The following AGMO variants were observed in gnomAD, a reference collection of about 807,000 sequenced individuals.
The protein encoded by AGMO is glyceryl-ether monooxygenase.
In AGMO, 75 loss-of-function variants were observed where a neutral mutation model predicts 60.2. The observed-to-expected ratio is 1.25, with a 90% confidence interval of 1.03 to 1.51. AGMO has a LOEUF of 1.51. Ranked by LOEUF, AGMO falls within the 40% of genes most tolerant of loss-of-function variation. The pLI is 0.00. For missense variants in AGMO, 763 were observed against 525.5 expected (o/e 1.45, Z -4.42); for synonymous variants, 261 against 177.1 (o/e 1.47, Z -3.76).
intron 12 of AGMO, among the ~76,000 whole-genome samples, chr7:15,252,353 C>T (rs1215493458): frequency 6.6e-6 from 1 of 152,164 alleles, no homozygotes; most frequent in African/African-American, 2.4e-5. Flanking sequence ...TATTCCTTCC[C>T]TTTGAGTGTG....
chr7:15,167,079 TA>T, the AGMO span, among the ~76,000 whole-genome samples: 25 of 152,124 alleles, frequency 1.6e-4, no homozygotes, highest in East Asian at 3.7e-3. Context: ...CAATAAGTTC[TA>T]AAAAAAATCT....
At chr7:15,421,733 G>C (rs1406095176) in intron 4 of AGMO, among the ~76,000 whole-genome samples, 1 of 152,048 alleles carries the variant, frequency 6.6e-6, no homozygotes, top group Non-Finnish European at 1.5e-5. Context: ...GTATGTCCAG[G>C]AGGCTATTGA....
At chr7:15,220,302 C>G (rs1583302036) in intron 12 of AGMO, among the ~76,000 whole-genome samples, 1 of 150,066 alleles carries the variant, frequency 6.7e-6, no homozygotes, top group East Asian at 2.0e-4. Flanking sequence ...TCACTGCAAC[C>G]TCTGCCTCCT....
At chr7:15,313,870 GTCTC>G (rs146059141) in intron 12 of AGMO, among the ~76,000 whole-genome samples, 8 of 150,984 alleles carry the variant, frequency 5.3e-5, no homozygotes, top group African/African-American at 1.5e-4. Flanking sequence ...TGCAGATGGG[GTCTC>G]TCTCTCTCTC....
chr7:15,467,882 A>G (rs2128511131), intron 3 of AGMO, among the ~76,000 whole-genome samples: 1 of 152,164 alleles, frequency 6.6e-6, no homozygotes, highest in East Asian at 1.9e-4. Flanking sequence ...GCCTTCCTTC[A>G]ATATAGTACG....
intron 10 of AGMO, among the ~76,000 whole-genome samples, chr7:15,376,928 A>G (rs1783480180): frequency 6.6e-6 from 1 of 151,674 alleles, no homozygotes; most frequent in African/African-American, 2.4e-5. Flanking sequence ...TGTCGTGGCC[A>G]TCAAATTGCT....
chr7:15,416,027 C>CTTTTTTTTT (rs759040945), intron 5 of AGMO, among the ~76,000 whole-genome samples: 3 of 130,890 alleles, frequency 2.3e-5, no homozygotes, highest in Non-Finnish European at 4.9e-5. Flanking sequence ...TTCTTTTTTT[C>CTTTTTTTTT]TTTTTTTTTT....
chr7:15,541,480 C>G (rs1205474434), intron 3 of AGMO, among the ~76,000 whole-genome samples: 3 of 152,122 alleles, frequency 2.0e-5, no homozygotes, highest in African/African-American at 7.2e-5. Context: ...AATTTAAGAA[C>G]TATTTATCCT....
At chr7:15,139,419 CTCATG>C in the AGMO span, among the ~76,000 whole-genome samples, 1 of 152,056 alleles carries the variant, frequency 6.6e-6, no homozygotes, top group African/African-American at 2.4e-5. Flanking sequence ...TACAGGTAAA[CTCATG>C]TCATGGAGGT....
intron 5 of AGMO, among the ~76,000 whole-genome samples, chr7:15,405,125 T>C (rs910350709): frequency 1.3e-5 from 2 of 151,854 alleles, no homozygotes; most frequent in Non-Finnish European, 2.9e-5. Context: ...CCTTGTCCTC[T>C]TAGGGATTAA....
intron 3 of AGMO, among the ~76,000 whole-genome samples, chr7:15,482,442 A>G (rs1276586355): frequency 1.3e-5 from 2 of 152,178 alleles, no homozygotes; most frequent in Non-Finnish European, 2.9e-5. Flanking sequence ...AAATATATCA[A>G]AAAGGAAATA....
At chr7:15,137,564 G>A in the AGMO span, among the ~76,000 whole-genome samples, 1 of 152,172 alleles carries the variant, frequency 6.6e-6, no homozygotes, top group Non-Finnish European at 1.5e-5. Flanking sequence ...TTGTGATGCA[G>A]TGCTGGTCGA....
chr7:15,326,837 A>G (rs981127363), intron 12 of AGMO, among the ~76,000 whole-genome samples: 2 of 152,166 alleles, frequency 1.3e-5, no homozygotes, highest in Non-Finnish European at 1.5e-5. Context: ...AAAAACAGAG[A>G]TTTGGTGCCC....
intron 12 of AGMO, among the ~76,000 whole-genome samples, chr7:15,274,614 C>G (rs947311841): frequency 2.7e-5 from 4 of 150,744 alleles, no homozygotes; most frequent in Non-Finnish European, 4.4e-5. Flanking sequence ...AAGAATCTCT[C>G]CTTTATTTTT....
intron 12 of AGMO, among the ~76,000 whole-genome samples, chr7:15,337,108 C>T (rs1390250946): frequency 6.6e-6 from 1 of 152,046 alleles, no homozygotes; most frequent in Admixed American, 6.6e-5. Context: ...ATGTCACATC[C>T]CTAAATCCGT....
chr7:15,284,637 A>G (rs1784052977), intron 12 of AGMO, among the ~76,000 whole-genome samples: 1 of 152,080 alleles, frequency 6.6e-6, no homozygotes, highest in African/African-American at 2.4e-5. Context: ...AAATTCCACC[A>G]GACAGTCAAA....
At chr7:15,543,306 T>C (rs1412471365) in intron 3 of AGMO, among the ~76,000 whole-genome samples, 1 of 152,214 alleles carries the variant, frequency 6.6e-6, no homozygotes, top group African/African-American at 2.4e-5. Flanking sequence ...CCTCAGCCCC[T>C]ACTTATCCCT....
chr7:15,365,933 T>C (rs1488398392), intron 11 of AGMO, among the ~76,000 whole-genome samples: 1 of 152,080 alleles, frequency 6.6e-6, no homozygotes, highest in Admixed American at 6.6e-5. Context: ...ACTGATTTAA[T>C]GTCTTCATAC....
chr7:15,291,973 C>T (rs182891411), intron 12 of AGMO, among the ~76,000 whole-genome samples: 55 of 152,122 alleles, frequency 3.6e-4, no homozygotes, highest in African/African-American at 1.3e-3. Flanking sequence ...AATGCGACCA[C>T]GTGTCAAGTA....
Sources: allele counts gnomAD v4.1 joint callset (sites outside exome capture counted in the v4.1 genomes callset), GRCh38; gene constraint gnomAD v4.1.1; transcripts MANE v1.5; gene names NCBI Gene and HGNC (gene_info 2026-07-23, HGNC 2026-07-21).